Variants in STARD13 observed in about 807,000 individuals in gnomAD.
STARD13 encodes stAR-related lipid transfer protein 13.
In STARD13, 62 loss-of-function variants were observed where a neutral mutation model predicts 106.4. The observed-to-expected ratio is 0.58, with a 90% CI of 0.48 to 0.72. The LOEUF is 0.72. Ranked by LOEUF, STARD13 falls within the 30% of genes least tolerant of loss-of-function variation. The pLI is 0.00. For synonymous variants in STARD13, 565 were observed against 553.0 expected (o/e 1.02, Z -0.31); for missense variants, 1,387 against 1,424.0 (o/e 0.97, Z 0.42).
intron 3 of STARD13, among the ~76,000 whole-genome samples, chr13:33,152,769 T>G (rs149176331): frequency 6.6e-6 from 1 of 152,172 alleles, no homozygotes; most frequent in Non-Finnish European, 1.5e-5. Flanking sequence ...GCCTCTGCTG[T>G]CTCCCTTGTG....
At chr13:33,501,335 C>T in the STARD13 span, among the ~76,000 whole-genome samples, 1 of 151,938 alleles carries the variant, frequency 6.6e-6, no homozygotes, top group Admixed American at 6.6e-5. Context: ...GCCTTGGCCT[C>T]CCTATTCACT....
At chr13:33,201,494 A>G (rs1019842539) in intron 1 of STARD13, among the ~76,000 whole-genome samples, 1 of 152,216 alleles carries the variant, frequency 6.6e-6, no homozygotes, top group East Asian at 1.9e-4. Flanking sequence ...TTGCCAAAAA[A>G]CTTCCACAAT....
the STARD13 span, among the ~76,000 whole-genome samples, chr13:33,639,403 G>A: frequency 6.6e-6 from 1 of 152,208 alleles, no homozygotes; most frequent in African/African-American, 2.4e-5. Context: ...CGTGGTCTTT[G>A]CCCTTGTGAA....
the STARD13 span, among the ~76,000 whole-genome samples, chr13:33,421,349 A>C: frequency 6.6e-6 from 1 of 152,230 alleles, no homozygotes; most frequent in Non-Finnish European, 1.5e-5. Context: ...CATCTAGAAG[A>C]AATGGATAAA....
chr13:33,244,252 A>C (rs9591621), intron 1 of STARD13, among the ~76,000 whole-genome samples: 9,724 of 152,054 alleles, frequency 0.064, 361 homozygotes, highest in Middle Eastern at 0.14. Context: ...ATGAGGAATT[A>C]GTCTCAAGAG....
chr13:33,240,515 G>T (rs1889419395), intron 1 of STARD13, among the ~76,000 whole-genome samples: 1 of 152,058 alleles, frequency 6.6e-6, no homozygotes, highest in Non-Finnish European at 1.5e-5. Context: ...CTAATCCATG[G>T]TATGAGATTT....
the STARD13 span, among the ~76,000 whole-genome samples, chr13:33,420,892 T>C: frequency 6.6e-6 from 1 of 152,200 alleles, no homozygotes; most frequent in Non-Finnish European, 1.5e-5. Flanking sequence ...AATAAAGATG[T>C]TCTTTGAAAC....
At chr13:33,613,936 A>G in the STARD13 span, among the ~76,000 whole-genome samples, 1 of 152,092 alleles carries the variant, frequency 6.6e-6, no homozygotes, top group Non-Finnish European at 1.5e-5. Context: ...GGCAGGGGAG[A>G]AGCATGAGAT....
chr13:33,227,157 G>A (rs562768486), intron 1 of STARD13, among the ~76,000 whole-genome samples: 6 of 152,232 alleles, frequency 3.9e-5, no homozygotes, highest in South Asian at 2.1e-4. Context: ...TACAACCTGC[G>A]AGCTTTGCTC....
intron 3 of STARD13, among the ~76,000 whole-genome samples, chr13:33,156,245 A>G (rs1881969253): frequency 1.3e-5 from 2 of 152,270 alleles, no homozygotes; most frequent in Middle Eastern, 3.4e-3. Flanking sequence ...CCAAGCCTTC[A>G]TTATACCTAT....
chr13:33,479,032 GA>G, the STARD13 span, among the ~76,000 whole-genome samples: 258 of 152,180 alleles, frequency 1.7e-3, 4 homozygotes, highest in African/African-American at 6.0e-3. Context: ...TATAAGTAGG[GA>G]AAAAATCCAA....
chr13:33,460,860 A>G, the STARD13 span, among the ~76,000 whole-genome samples: 1 of 152,244 alleles, frequency 6.6e-6, no homozygotes, highest in Non-Finnish European at 1.5e-5. Context: ...CTGCTCAAAG[A>G]TATAAATGTG....
In STARD13 at chr13:33,112,721, C is replaced by T. The variant is rs768401147; in HGVS notation, c.2492G>A (p.Arg831Gln). 7.6e-6 allele frequency: 12 copies of T among 1,588,590 alleles called. No individual in the cohort carries two copies. The highest frequency in any genetic ancestry group is 2.7e-5 in the African/African-American group (2 of 73,668). ...GTTGTTACTGAGAAAAAAAACCCAC[C>T]GTGGAGAGCTTTCTTTCTTCAATAA... ...LNLLKKESSP[R>Q]VIQKKYATGK... Residue 831 changes from arginine to glutamine, a missense_variant and splice_region_variant, in exon 9 of 14, where the codon CGA (arginine) becomes CAA (glutamine). Physicochemically the swap from Arg to Gln is conservative, Grantham distance 43 (BLOSUM62 1). Transcript: ENST00000336934.
the STARD13 span, among the ~76,000 whole-genome samples, chr13:33,460,712 G>A: frequency 1.3e-5 from 2 of 149,206 alleles, no homozygotes; most frequent in African/African-American, 2.5e-5. Context: ...GATTTCTAAA[G>A]CATCATGTAG....
the STARD13 span, among the ~76,000 whole-genome samples, chr13:33,673,490 A>G: frequency 6.6e-6 from 1 of 151,674 alleles, no homozygotes; most frequent in Non-Finnish European, 1.5e-5. Flanking sequence ...TAGATAAGAC[A>G]GAATATATAC....
the STARD13 span, among the ~76,000 whole-genome samples, chr13:33,614,368 A>C: frequency 1.3e-5 from 2 of 151,606 alleles, no homozygotes; most frequent in African/African-American, 2.4e-5. Context: ...GCTATGTAAA[A>C]GTTTCAGAAT....
the STARD13 span, among the ~76,000 whole-genome samples, chr13:33,365,743 C>T: frequency 0.54 from 81,664 of 152,088 alleles, 24,577 homozygotes; most frequent in East Asian, 0.92. Flanking sequence ...CATTGCAGGT[C>T]AGGTGTTGGA....
chr13:33,451,114 A>T, the STARD13 span, among the ~76,000 whole-genome samples: 35 of 152,186 alleles, frequency 2.3e-4, no homozygotes, highest in African/African-American at 7.5e-4. Context: ...TCCTGGGCTC[A>T]AGCAATCCTT....
intron 5 of STARD13, 42 bp from the exon 6 acceptor site, chr13:33,127,588 A>G (rs765101119): frequency 1.3e-6 from 2 of 1,501,938 alleles, no homozygotes; most frequent in Non-Finnish European, 1.8e-6. Flanking sequence ...CACAAAGTGG[A>G]CTTGGTAGCG....
Sources: gnomAD v4.1 joint callset for allele counts (sites outside exome capture counted in the v4.1 genomes callset) on GRCh38, gnomAD v4.1.1 for gene constraint, MANE v1.5 for transcripts, NCBI Gene and HGNC (gene_info 2026-07-23, HGNC 2026-07-21) for gene names.